Variants in WDR59 observed in about 807,000 individuals in gnomAD.
WDR59 encodes GATOR2 complex protein WDR59.
WDR59 carries 100 observed loss-of-function variants against 131.2 expected under a neutral mutation model. The ratio of observed to expected loss-of-function variants is 0.76; its 90% CI spans 0.65 to 0.90. The LOEUF (loss-of-function observed/expected upper bound fraction) is 0.90, where lower values mean the gene tolerates loss of function less well. Ranked by LOEUF, WDR59 falls within the 40% of genes least tolerant of loss-of-function variation. The pLI is 0.00. For synonymous variants in WDR59, 601 were observed against 466.2 expected (o/e 1.29, Z -3.72); for missense variants, 1,203 against 1,262.2 (o/e 0.95, Z 0.71).
Position 74,915,851 on chromosome 16 carries a change from A to T in WDR59, c.1224+19T>A. ...ACTGCCATCAGCAAACATGAGATAC[A>T]GTTGATTAAACTAAGTACCTCCACA... On this transcript the variant is annotated intron_variant, in intron 13 of 25. Coordinates refer to ENST00000262144, the MANE Select transcript of WDR59 (RefSeq NM_030581.4). The T allele has an allele frequency of 1.9e-6, 3 of 1,614,202 alleles. No homozygotes were observed. The highest frequency in any genetic ancestry group is 2.5e-6 in the Non-Finnish European group (3 of 1,180,014).
Position 74,929,059 on chromosome 16 carries a change from C to G in WDR59, c.652-5056G>C, listed in dbSNP as rs548391554. On this transcript the variant is annotated intron_variant, in intron 8 of 25. Transcript: ENST00000262144. The stretch of plus-strand genomic sequence containing the variant: ...TCCAATTAAAACATGGGCAAAAGAT[C>G]TGAACAGACATCTCTCTTTTCTTTT... 3.3e-5 allele frequency among the ~76,000 whole-genome samples: 5 copies of G among 152,292 alleles called. 1 individual carries two copies. In the South Asian group the frequency reaches 1.0e-3, roughly 32 times the overall value.
At chr16:74,981,293 G>A (rs1221383385) in intron 1 of WDR59, among the ~76,000 whole-genome samples, 9 of 150,552 alleles carry the variant, frequency 6.0e-5, no homozygotes, top group South Asian at 2.1e-4. Flanking sequence ...GGAGAATGCC[G>A]TGAACCTGGG....
chr16:74,881,973 A>T (rs1964509472), intron 25 of WDR59, among the ~76,000 whole-genome samples: 1 of 152,280 alleles, frequency 6.6e-6, no homozygotes, highest in African/African-American at 2.4e-5. Context: ...CTGCTTTATA[A>T]ATCTTGTGAC....
At chr16:74,899,594 C>T (rs1223048095) in intron 18 of WDR59, 7 of 964,302 alleles carry the variant, frequency 7.3e-6, no homozygotes, top group Non-Finnish European at 1.0e-5. Flanking sequence ...AAACAGCTCG[C>T]CTGTCATTTC....
At chr16:74,929,015 T>C (rs1006071950) in intron 8 of WDR59, among the ~76,000 whole-genome samples, 6 of 152,154 alleles carry the variant, frequency 3.9e-5, no homozygotes, top group South Asian at 2.1e-4. Context: ...AACAACTCAA[T>C]AGGAAAAAAA....
chr16:74,980,428 G>A (rs1172272792), intron 1 of WDR59, among the ~76,000 whole-genome samples: 5 of 141,544 alleles, frequency 3.5e-5, no homozygotes, highest in Admixed American at 7.3e-5. Flanking sequence ...GATTTGGCTC[G>A]CTGCAACCTC....
rs562556132 is a variant in WDR59 at position 74,953,416 on chromosome 16, T to C, written c.241-1873A>G. On this transcript the variant is annotated intron_variant, in intron 3 of 25. Transcript: ENST00000262144. ...TGAACCTGGGAAGCAGAGGCTGCAATGAACTGAGATGGCGCCACTGCACTC... is the reference window on the plus strand; with the variant it reads ...TGAACCTGGGAAGCAGAGGCTGCAACGAACTGAGATGGCGCCACTGCACTC... Among the ~76,000 whole-genome samples the C allele has an allele frequency of 5.5e-5, 8 of 145,450 alleles. No homozygotes were observed. In the East Asian group the frequency reaches 1.4e-3, roughly 26 times the overall value.
At chr16:74,891,490 T>C (rs1011979609) in intron 20 of WDR59, among the ~76,000 whole-genome samples, 1 of 152,246 alleles carries the variant, frequency 6.6e-6, no homozygotes, top group African/African-American at 2.4e-5. Flanking sequence ...AGATGTTTAC[T>C]ACCCTGGCTG....
In WDR59 at chr16:74,938,186, G is replaced by A; in HGVS notation, c.615C>T (p.His205=). The A allele has an allele frequency of 6.3e-7, 1 of 1,580,880 alleles. No individual in the cohort carries two copies. The highest frequency in any genetic ancestry group is 8.6e-7 in the Non-Finnish European group (1 of 1,163,810). The change falls in exon 8 of 26, where the codon CAC becomes CAT. Residue 205 remains histidine (H), a synonymous_variant. Coordinates refer to ENST00000262144, the MANE Select transcript of WDR59 (RefSeq NM_030581.4). ...TGTCTTGACTGGAGGTAGCAAGAAT[G>A]TGCTCGCTGTCTGGGTGCCAGTCCA... ...HGLDWHPDSE[H]ILATSSQDNS... is the part of the protein sequence containing the mutation.
chr16:74,874,525 A>T, intron 25 of WDR59, 81 bp from the exon 26 acceptor site: 4 of 1,237,348 alleles, frequency 3.2e-6, no homozygotes, highest in Non-Finnish European at 4.6e-6. Context: ...TGCCAGGAAG[A>T]AGGAAGTCTT....
chr16:74,900,650 G>A (rs1181571437), intron 18 of WDR59, among the ~76,000 whole-genome samples: 1 of 152,172 alleles, frequency 6.6e-6, no homozygotes, highest in Non-Finnish European at 1.5e-5. Context: ...GATGGCTTTT[G>A]AGGCGTCACA....
chr16:74,898,315 TG>T (rs148071217), intron 18 of WDR59, among the ~76,000 whole-genome samples: 2,525 of 152,304 alleles, frequency 0.017, 61 homozygotes, highest in African/African-American at 0.058. Flanking sequence ...GGCTTAAATA[TG>T]GATACCTCTC....
chr16:74,947,622 T>C (rs568274190), intron 6 of WDR59, among the ~76,000 whole-genome samples: 4 of 152,284 alleles, frequency 2.6e-5, no homozygotes, highest in Admixed American at 1.3e-4. Context: ...AGAGAGACTA[T>C]TGGGGAAATC....
At chr16:74,894,527 A>T (rs113286238) in intron 18 of WDR59, among the ~76,000 whole-genome samples, 2,448 of 152,304 alleles carry the variant, frequency 0.016, 67 homozygotes, top group African/African-American at 0.054. Flanking sequence ...TTGAATTATC[A>T]GAGCACAGCC....
At chr16:74,940,484 G>A (rs572540520) in intron 7 of WDR59, among the ~76,000 whole-genome samples, 17 of 152,038 alleles carry the variant, frequency 1.1e-4, no homozygotes. Flanking sequence ...TTAAAAGAAG[G>A]CCTATGTACA....
At chr16:74,876,225 G>A (rs959406324) in intron 25 of WDR59, among the ~76,000 whole-genome samples, 3 of 152,072 alleles carry the variant, frequency 2.0e-5, no homozygotes, top group African/African-American at 7.2e-5. Flanking sequence ...TCCAATTAAG[G>A]CAAATCTTGA....
intron 2 of WDR59, chr16:74,959,471 A>G (rs932484974): frequency 2.3e-6 from 1 of 438,844 alleles, no homozygotes; most frequent in African/African-American, 2.1e-5. Flanking sequence ...ACAGAAAGGA[A>G]AAAAGCCTTC....
intron 1 of WDR59, among the ~76,000 whole-genome samples, chr16:74,972,653 G>GTGAAACCTCGTCT (rs2034030004): frequency 6.6e-6 from 1 of 150,426 alleles, no homozygotes; most frequent in Non-Finnish European, 1.5e-5. Flanking sequence ...GGCCAACATG[G>GTGAAACCTCGTCT]CTACTAAAAA....
At chr16:74,878,286 C>T (rs1964314219) in intron 25 of WDR59, among the ~76,000 whole-genome samples, 1 of 152,208 alleles carries the variant, frequency 6.6e-6, no homozygotes, top group South Asian at 2.1e-4. Context: ...TTGAAGGATA[C>T]TCATATCTAT....
Sources: gnomAD v4.1 joint callset for allele counts (sites outside exome capture counted in the v4.1 genomes callset) on GRCh38, gnomAD v4.1.1 for gene constraint, MANE v1.5 for transcripts, NCBI Gene and HGNC (gene_info 2026-07-23, HGNC 2026-07-21) for gene names.